SRRM3: variants seen among roughly 807,000 people sequenced by gnomAD.
SRRM3 encodes serine/arginine repetitive matrix protein 3.
In SRRM3, 27 loss-of-function variants were observed where a neutral mutation model predicts 66.2. The observed-to-expected ratio is 0.41, with a 90% CI of 0.30 to 0.56. SRRM3 has a LOEUF of 0.56. Among genes scored for constraint, SRRM3 ranks in the 20% least tolerant of loss-of-function variants. SRRM3 has a pLI of 0.32. For missense variants in SRRM3, 918 were observed against 991.9 expected (o/e 0.93, Z 1.00); for synonymous variants, 391 against 414.9 (o/e 0.94, Z 0.70).
chr7:76,277,168 T>C (rs13239419), intron 11 of SRRM3, among the ~76,000 whole-genome samples: 102,034 of 152,068 alleles, frequency 0.67, 34,586 homozygotes, highest in African/African-American at 0.7. Context: ...AGGAAGGATC[T>C]GGATCAGCAC....
chr7:76,213,004 C>CTTT (rs57266029), intron 1 of SRRM3, among the ~76,000 whole-genome samples: 174 of 67,892 alleles, frequency 2.6e-3, no homozygotes, highest in East Asian at 5.3e-3. Context: ...CACCCCATTC[C>CTTT]TTTTTTTTTT....
chr7:76,252,169 C>T (rs782518492), intron 3 of SRRM3, among the ~76,000 whole-genome samples: 1 of 152,178 alleles, frequency 6.6e-6, no homozygotes, highest in Non-Finnish European at 1.5e-5. Context: ...CACACACCCA[C>T]AACAGTATCT....
Position 76,234,319 on chromosome 7 carries a change from G to C in SRRM3, c.-39-709G>C, listed in dbSNP as rs78247710. ...CACCCCGAGCCTACAGGAGGACGTG[G>C]CTGCCTGGAAAGCTAATGTCAGTGT... On this transcript the variant is annotated intron_variant, in intron 1 of 14. Transcript: ENST00000611745. Among the ~76,000 whole-genome samples, 1,354 of 152,102 alleles carry C rather than the reference G, an allele frequency of 8.9e-3. 20 individuals carry two copies. Among genetic ancestry groups the C allele is most frequent in the African/African-American group, 0.031 (1,274 of 41,470 alleles).
chr7:76,209,582 T>G (rs1800379940), intron 1 of SRRM3, among the ~76,000 whole-genome samples: 1 of 149,318 alleles, frequency 6.7e-6, no homozygotes, highest in African/African-American at 2.5e-5. Flanking sequence ...CCAGTGGGAG[T>G]GGTTGGCCTT....
intron 3 of SRRM3, among the ~76,000 whole-genome samples, chr7:76,254,902 GAGA>G (rs1385893775): frequency 3.9e-5 from 6 of 151,996 alleles, no homozygotes; most frequent in Non-Finnish European, 2.9e-5. Flanking sequence ...GAAAAGAAAA[GAGA>G]AGTTTAAACA....
rs1554608309 is a variant in SRRM3, at chr7:76,260,000, C to T, written c.430C>T (p.Pro144Ser). Residue 144 changes from proline to serine, a missense_variant, in exon 4 of 15, where the codon CCG becomes TCG. Pro to Ser is a moderately conservative substitution (Grantham distance 74). Transcript: ENST00000611745. ...DDDGPVDCDCPASCYRGHRGY... is the reference protein window; with the variant it reads ...DDDGPVDCDCSASCYRGHRGY... ...CGACGGCCCAGTGGACTGTGACTGC[C>T]CGGCCTCCTGCTACCGCGGCCACCG... is the stretch of plus-strand genomic sequence containing the variant. 14 of 1,590,242 alleles carry T rather than the reference C, an allele frequency of 8.8e-6. No individual in the cohort carries two copies. The highest frequency in any genetic ancestry group is 1.1e-5 in the Non-Finnish European group (13 of 1,173,900).
At chr7:76,270,664 A>G (rs1409303062) in intron 11 of SRRM3, among the ~76,000 whole-genome samples, 1 of 152,142 alleles carries the variant, frequency 6.6e-6, no homozygotes, top group Non-Finnish European at 1.5e-5. Context: ...ATACAAAAAA[A>G]TTAGCCAGGC....
At chr7:76,235,350 G>A in intron 2 of SRRM3, 51 bp downstream of exon 2, 3 of 1,410,956 alleles carry the variant, frequency 2.1e-6, no homozygotes, top group South Asian at 1.4e-5. Flanking sequence ...CGGGGCGAGG[G>A]TGGGAGAAGC....
At chr7:76,253,632 AAAAAT>A (rs1801635088) in intron 3 of SRRM3, among the ~76,000 whole-genome samples, 1 of 151,530 alleles carries the variant, frequency 6.6e-6, no homozygotes, top group Non-Finnish European at 1.5e-5. Flanking sequence ...AAAAAATTAA[AAAAAT>A]AAAATAAAAA....
chr7:76,210,927 C>T (rs1312051530), intron 1 of SRRM3, among the ~76,000 whole-genome samples: 3 of 152,020 alleles, frequency 2.0e-5, no homozygotes, highest in African/African-American at 4.8e-5. Context: ...CTCAGCCTCC[C>T]GAGTAGCTGG....
intron 1 of SRRM3, among the ~76,000 whole-genome samples, chr7:76,223,659 GC>G (rs1196049317): frequency 9.2e-5 from 14 of 151,978 alleles, no homozygotes; most frequent in African/African-American, 3.1e-4. Context: ...GCACATCCTT[GC>G]CCACCTGCTG....
chr7:76,281,616 G>C lies in SRRM3; in HGVS notation c.1184G>C (p.Arg395Pro). 9.2e-6 allele frequency: 9 copies of C among 975,004 alleles called. No homozygotes were observed. Among genetic ancestry groups the C allele is most frequent in the Non-Finnish European group, 9.7e-6 (8 of 823,216 alleles). 60.4% of individuals were successfully genotyped at this position (975,004 alleles called of 1,614,324 possible). ...RRRRRRRRRR[R>P]SRSSASAPRR... ...CGGCGGCGGCGGCGTAGGCGGCGGC[G>C]CTCGCGGTCCTCGGCGTCCGCGCCC... The change falls in exon 12 of 15, where the codon CGC (arginine) becomes CCC (proline). Residue 395 changes from arginine (R) to proline (P), a missense_variant. By Grantham distance (103) the Arg-to-Pro change is moderately radical (BLOSUM62 -2). Transcript: ENST00000611745.
At chr7:76,218,131 G>A (rs1406469067) in intron 1 of SRRM3, among the ~76,000 whole-genome samples, 1 of 152,178 alleles carries the variant, frequency 6.6e-6, no homozygotes, top group East Asian at 1.9e-4. Flanking sequence ...GCGGGGGTTG[G>A]GATCTGATCC....
At chr7:76,250,693 C>T (rs1801560728) in intron 3 of SRRM3, among the ~76,000 whole-genome samples, 1 of 152,164 alleles carries the variant, frequency 6.6e-6, no homozygotes. Flanking sequence ...AGAGTAGGAG[C>T]AAAACAGGAA....
chr7:76,261,700 T>C, intron 8 of SRRM3, 119 bp downstream of exon 8: 1 of 1,165,792 alleles, frequency 8.6e-7, no homozygotes. Flanking sequence ...AGCTCCAGGG[T>C]TCCTTCCCAC....
chr7:76,281,151 TCTCC>T (rs151132994), intron 11 of SRRM3, among the ~76,000 whole-genome samples: 4,661 of 150,644 alleles, frequency 0.031, 113 homozygotes, highest in Non-Finnish European at 0.046. Context: ...CTCCTCCCTC[TCTCC>T]CTCTTTCTTT....
intron 1 of SRRM3, among the ~76,000 whole-genome samples, chr7:76,219,841 T>C (rs782288548): frequency 3.4e-5 from 5 of 148,764 alleles, no homozygotes; most frequent in Non-Finnish European, 7.5e-5. Context: ...ACCCAGGAGG[T>C]GGAGGTTGCA....
intron 1 of SRRM3, among the ~76,000 whole-genome samples, chr7:76,211,449 GC>G (rs1244426236): frequency 1.3e-5 from 2 of 152,170 alleles, no homozygotes; most frequent in African/African-American, 4.8e-5. Flanking sequence ...AGGTGAGGCA[GC>G]CTAGCCTTTT....
intron 1 of SRRM3, among the ~76,000 whole-genome samples, chr7:76,227,846 C>T (rs893882556): frequency 5.3e-5 from 8 of 152,126 alleles, no homozygotes; most frequent in African/African-American, 1.9e-4. Context: ...CATCCTACGA[C>T]AAACTGCTTA....
Sources: allele counts gnomAD v4.1 joint callset (sites outside exome capture counted in the v4.1 genomes callset), GRCh38; gene constraint gnomAD v4.1.1; transcripts MANE v1.5; gene names NCBI Gene and HGNC (gene_info 2026-07-23, HGNC 2026-07-21).